The following GRM7 variants were observed in gnomAD, a reference collection of about 807,000 sequenced individuals.
GRM7 encodes glutamate metabotropic receptor 7.
A neutral mutation model predicts 84.5 loss-of-function variants in GRM7; 35 were observed. The observed-to-expected ratio is 0.41, with a 90% confidence interval of 0.32 to 0.55. The LOEUF (loss-of-function observed/expected upper bound fraction) is 0.55, where lower values mean the gene tolerates loss of function less well. Ranked by LOEUF, GRM7 falls within the 20% of genes least tolerant of loss-of-function variation. The pLI is 0.19. For synonymous variants in GRM7, 487 were observed against 455.1 expected, an observed-to-expected ratio of 1.07 and a Z score of -0.89; for missense variants, 1,003 against 1,194.6, an observed-to-expected ratio of 0.84 and a Z score of 2.36.
chr3:7,104,068 G>GT (rs1699215627), intron 1 of GRM7, among the ~76,000 whole-genome samples: 1 of 151,226 alleles, frequency 6.6e-6, no homozygotes, highest in Non-Finnish European at 1.5e-5. Context: ...AGATAATTAG[G>GT]TCTAAATGAG....
intron 1 of GRM7, among the ~76,000 whole-genome samples, chr3:7,103,714 A>G (rs73115080): frequency 0.021 from 3,052 of 147,946 alleles, 104 homozygotes; most frequent in African/African-American, 0.075. Flanking sequence ...GCTTAGTCTT[A>G]TTTTGTTTTC....
chr3:6,911,516 T>A (rs995027827), intron 1 of GRM7, among the ~76,000 whole-genome samples: 4 of 152,152 alleles, frequency 2.6e-5, no homozygotes, highest in Admixed American at 2.0e-4. Context: ...CACATATGCA[T>A]GTTTCAGAAG....
chr3:7,700,341 C>T (rs900516628), intron 9 of GRM7, among the ~76,000 whole-genome samples: 1 of 152,168 alleles, frequency 6.6e-6, no homozygotes, highest in Non-Finnish European at 1.5e-5. Flanking sequence ...CAGCAGTTCT[C>T]CTGGGAACGC....
chr3:7,061,620 C>A (rs1469527098), intron 1 of GRM7, among the ~76,000 whole-genome samples: 2 of 151,588 alleles, frequency 1.3e-5, no homozygotes, highest in Non-Finnish European at 3.0e-5. Flanking sequence ...AATGTCTCAA[C>A]AAAGAAAATA....
intron 2 of GRM7, among the ~76,000 whole-genome samples, chr3:7,153,133 A>ATTTTTTT (rs34465661): frequency 1.4e-4 from 14 of 103,366 alleles, no homozygotes; most frequent in African/African-American, 4.6e-4. Flanking sequence ...GGTACTGTGG[A>ATTTTTTT]TTTTTTTTTT....
intron 1 of GRM7, among the ~76,000 whole-genome samples, chr3:7,086,874 G>A (rs73115021): frequency 1.3e-5 from 2 of 152,188 alleles, no homozygotes; most frequent in Non-Finnish European, 2.9e-5. Flanking sequence ...GTCACTCTCT[G>A]GCTGTTGGCT....
At chr3:7,011,696 A>G (rs966064457) in intron 1 of GRM7, among the ~76,000 whole-genome samples, 2 of 152,230 alleles carry the variant, frequency 1.3e-5, no homozygotes, top group African/African-American at 4.8e-5. Flanking sequence ...TTGACTAACA[A>G]TTGAAGGCAA....
intron 2 of GRM7, among the ~76,000 whole-genome samples, chr3:7,236,809 C>A (rs755733354): frequency 1.3e-5 from 2 of 152,080 alleles, no homozygotes; most frequent in African/African-American, 2.4e-5. Context: ...CCTAAAAGAT[C>A]AACCAAACCT....
chr3:7,333,354 C>T (rs1165857642), intron 4 of GRM7, among the ~76,000 whole-genome samples: 1 of 152,152 alleles, frequency 6.6e-6, no homozygotes, highest in African/African-American at 2.4e-5. Context: ...GCCCGGTAGC[C>T]CCACTGTAGG....
intron 2 of GRM7, among the ~76,000 whole-genome samples, chr3:7,277,178 T>C (rs1699103588): frequency 6.6e-6 from 1 of 152,092 alleles, no homozygotes; most frequent in Admixed American, 6.6e-5. Flanking sequence ...CTCAGATTGC[T>C]TTCTCACAAA....
At chr3:7,453,384 G>T (rs958987236) in intron 6 of GRM7, among the ~76,000 whole-genome samples, 2 of 152,060 alleles carry the variant, frequency 1.3e-5, no homozygotes, top group South Asian at 4.1e-4. Context: ...CAATGACAGT[G>T]GCAAACCCTA....
intron 7 of GRM7, among the ~76,000 whole-genome samples, chr3:7,575,900 T>C (rs1694939837): frequency 6.6e-6 from 1 of 152,210 alleles, no homozygotes. Flanking sequence ...TTTATTTTAT[T>C]CCAAGGGGAA....
At chr3:7,227,253 A>G (rs1697014073) in intron 2 of GRM7, among the ~76,000 whole-genome samples, 1 of 152,190 alleles carries the variant, frequency 6.6e-6, no homozygotes, top group South Asian at 2.1e-4. Context: ...ATCAATGGCA[A>G]ATTGCAAGAA....
intron 6 of GRM7, among the ~76,000 whole-genome samples, chr3:7,453,859 G>A (rs1329012449): frequency 6.6e-6 from 1 of 152,126 alleles, no homozygotes; most frequent in Non-Finnish European, 1.5e-5. Context: ...TGGTCTATCT[G>A]TGCAACATTT....
chr3:7,351,400 A>G (rs560726206), intron 4 of GRM7, among the ~76,000 whole-genome samples: 1 of 150,444 alleles, frequency 6.6e-6, no homozygotes, highest in East Asian at 2.0e-4. Flanking sequence ...CTCCTTCATC[A>G]TTGTAAAACT....
intron 4 of GRM7, among the ~76,000 whole-genome samples, chr3:7,370,357 T>G (rs7647282): frequency 0.38 from 58,157 of 151,928 alleles, 11,600 homozygotes; most frequent in East Asian, 0.57. Flanking sequence ...TGGAGAAAAG[T>G]CGATATGATT....
intron 7 of GRM7, among the ~76,000 whole-genome samples, chr3:7,573,248 G>C (rs1189907469): frequency 1.4e-5 from 2 of 144,086 alleles, no homozygotes; most frequent in African/African-American, 5.1e-5. Flanking sequence ...ATGAACAAAT[G>C]GCATTTTAAT....
intron 1 of GRM7, among the ~76,000 whole-genome samples, chr3:7,022,829 A>G (rs1216227024): frequency 1.3e-5 from 2 of 152,186 alleles, no homozygotes; most frequent in African/African-American, 4.8e-5. Flanking sequence ...GTTTGCTGAA[A>G]AATCAACTGA....
intron 1 of GRM7, among the ~76,000 whole-genome samples, chr3:6,988,287 G>T (rs1381841155): frequency 6.6e-6 from 1 of 150,706 alleles, no homozygotes; most frequent in African/African-American, 2.5e-5. Context: ...GGGATTACAG[G>T]CGTGATCCAC....
Sources: allele counts gnomAD v4.1 joint callset (sites outside exome capture counted in the v4.1 genomes callset), GRCh38; gene constraint gnomAD v4.1.1; transcripts MANE v1.5; gene names NCBI Gene and HGNC (gene_info 2026-07-23, HGNC 2026-07-21).